TMEM178B: variants seen among roughly 807,000 people sequenced by gnomAD.
The protein encoded by TMEM178B is transmembrane protein 178B.
Under a neutral mutation model 31.0 loss-of-function variants are expected in TMEM178B, and 5 were observed. That is an observed-to-expected ratio of 0.16 (90% CI 0.08 to 0.34). The LOEUF (loss-of-function observed/expected upper bound fraction) is 0.34, where lower values mean the gene tolerates loss of function less well. Among genes scored for constraint, TMEM178B ranks in the 10% least tolerant of loss-of-function variants. TMEM178B has a pLI of 1.00. For synonymous variants in TMEM178B, 164 were observed against 164.0 expected, an observed-to-expected ratio of 1.00 and a Z score of 0.00; for missense variants, 275 against 400.3, an observed-to-expected ratio of 0.69 and a Z score of 2.67.
At chr7:141,103,175 C>T (rs1389695751) in intron 1 of TMEM178B, among the ~76,000 whole-genome samples, 1 of 152,202 alleles carries the variant, frequency 6.6e-6, no homozygotes, top group Non-Finnish European at 1.5e-5. Context: ...TATTGCTCCC[C>T]AGGTGGGGTC....
the TMEM178B span, among the ~76,000 whole-genome samples, chr7:141,501,488 A>T: frequency 2.6e-5 from 4 of 152,196 alleles, no homozygotes; most frequent in African/African-American, 9.6e-5. Flanking sequence ...GTCTAATTTT[A>T]TGTGTCAACT....
chr7:141,081,524 T>C (rs1794684904), intron 1 of TMEM178B, among the ~76,000 whole-genome samples: 1 of 151,964 alleles, frequency 6.6e-6, no homozygotes, highest in Non-Finnish European at 1.5e-5. Context: ...TAATCCCAGC[T>C]ACTTGGGAGG....
intron 3 of TMEM178B, among the ~76,000 whole-genome samples, chr7:141,445,067 G>A (rs1198582011): frequency 6.6e-6 from 1 of 152,200 alleles, no homozygotes; most frequent in African/African-American, 2.4e-5. Flanking sequence ...CCTGTGATCA[G>A]TGTGACCTTT....
intron 2 of TMEM178B, among the ~76,000 whole-genome samples, chr7:141,363,838 C>A (rs1022239452): frequency 2.9e-4 from 44 of 151,448 alleles, no homozygotes; most frequent in African/African-American, 9.9e-4. Context: ...TGTAGTGAGC[C>A]GTGATTGCGC....
intron 2 of TMEM178B, among the ~76,000 whole-genome samples, chr7:141,253,484 T>G (rs1797868091): frequency 6.6e-6 from 1 of 152,104 alleles, no homozygotes; most frequent in Admixed American, 6.6e-5. Flanking sequence ...AAGTTAAATA[T>G]TTATTAGTTG....
intron 2 of TMEM178B, among the ~76,000 whole-genome samples, chr7:141,254,871 T>C (rs1228365779): frequency 6.6e-6 from 1 of 152,156 alleles, no homozygotes; most frequent in African/African-American, 2.4e-5. Context: ...AGGTGATAAA[T>C]AAAAATCTGT....
chr7:141,291,978 C>T (rs181478878), intron 2 of TMEM178B, among the ~76,000 whole-genome samples: 1 of 146,810 alleles, frequency 6.8e-6, no homozygotes, highest in African/African-American at 2.5e-5. Flanking sequence ...TTTTCCCTTT[C>T]CTTATTGGCT....
intron 2 of TMEM178B, among the ~76,000 whole-genome samples, chr7:141,359,579 C>T (rs1025161069): frequency 6.6e-6 from 1 of 152,200 alleles, no homozygotes; most frequent in Admixed American, 6.5e-5. Context: ...ATCACATCCT[C>T]TTATTACAGG....
intron 2 of TMEM178B, among the ~76,000 whole-genome samples, chr7:141,280,631 C>A (rs964686501): frequency 6.6e-6 from 1 of 152,202 alleles, no homozygotes; most frequent in Non-Finnish European, 1.5e-5. Context: ...TCTTTATCAG[C>A]AGTGAAAACG....
intron 2 of TMEM178B, among the ~76,000 whole-genome samples, chr7:141,247,057 A>G (rs1467855349): frequency 6.6e-6 from 1 of 152,132 alleles, no homozygotes; most frequent in Admixed American, 6.5e-5. Flanking sequence ...CAGTATCTAG[A>G]ACAATCCTGA....
rs938130992 is a variant in TMEM178B at position 141,461,132 on chromosome 7, T to C, written c.635-9404T>C. ...GTTGAAGGAGGAGGCCCTCTCCTTC[T>C]GTTTGCTGATTTGGTTCTTGTTGGT... On this transcript the variant is annotated intron_variant, in intron 3 of 3. Coordinates refer to ENST00000565468, the MANE Select transcript of TMEM178B (RefSeq NM_001195278.2). This position sits in a 1 kb window ranked among gnomAD's most constrained non-coding sequence, Gnocchi z 4.0. Among the ~76,000 whole-genome samples, 6 of 152,202 alleles carry C rather than the reference T, an allele frequency of 3.9e-5. No homozygotes were observed. The highest frequency in any genetic ancestry group is 1.3e-4 in the Admixed American group (2 of 15,286).
intron 2 of TMEM178B, among the ~76,000 whole-genome samples, chr7:141,394,742 C>G (rs1800607393): frequency 6.6e-6 from 1 of 152,164 alleles, no homozygotes; most frequent in South Asian, 2.1e-4. Flanking sequence ...CATTTTGCAT[C>G]TATGCTATAT....
At chr7:141,211,714 G>C (rs927594688) in intron 1 of TMEM178B, among the ~76,000 whole-genome samples, 7 of 152,134 alleles carry the variant, frequency 4.6e-5, no homozygotes, top group Admixed American at 1.3e-4. Flanking sequence ...AAACATAAAG[G>C]GTGGATTTAT....
At chr7:141,093,026 A>G (rs1347228317) in intron 1 of TMEM178B, among the ~76,000 whole-genome samples, 1 of 152,198 alleles carries the variant, frequency 6.6e-6, no homozygotes, top group African/African-American at 2.4e-5. Flanking sequence ...GTCAGATGTC[A>G]GGGAATTAAA....
At chr7:141,356,422 G>A (rs1040161031) in intron 2 of TMEM178B, among the ~76,000 whole-genome samples, 7 of 151,704 alleles carry the variant, frequency 4.6e-5, no homozygotes, top group Non-Finnish European at 2.9e-5. Context: ...TCTGGTTGGT[G>A]TGAGATGTTA....
intron 1 of TMEM178B, among the ~76,000 whole-genome samples, chr7:141,142,530 C>A (rs1795789660): frequency 1.3e-5 from 2 of 151,848 alleles, no homozygotes; most frequent in African/African-American, 4.8e-5. Context: ...ACCTCAGCCT[C>A]TCAAGTAGCT....
At chr7:141,134,279 A>G (rs1350833007) in intron 1 of TMEM178B, among the ~76,000 whole-genome samples, 1 of 152,048 alleles carries the variant, frequency 6.6e-6, no homozygotes, top group Non-Finnish European at 1.5e-5. Context: ...CAAAAACCCA[A>G]CACAACAATG....
At chr7:141,454,191 C>T (rs550736431) in intron 3 of TMEM178B, among the ~76,000 whole-genome samples, 4 of 152,298 alleles carry the variant, frequency 2.6e-5, no homozygotes, top group South Asian at 2.1e-4. Context: ...TCCCAAAAGC[C>T]TCTGGCTCAC....
chr7:141,483,733 C>CTT (rs1164787319), downstream of TMEM178B, among the ~76,000 whole-genome samples: 1 of 127,902 alleles, frequency 7.8e-6, no homozygotes, highest in Non-Finnish European at 1.9e-5. Context: ...ATATCTTGCC[C>CTT]TTCTTCTTTT....
Sources: allele counts gnomAD v4.1 joint callset (sites outside exome capture counted in the v4.1 genomes callset), GRCh38; gene constraint gnomAD v4.1.1; non-coding constraint Gnocchi (gnomAD v3.1); transcripts MANE v1.5; gene names NCBI Gene and HGNC (gene_info 2026-07-23, HGNC 2026-07-21).